Variants in MID1 observed in about 807,000 individuals in gnomAD.
MID1 encodes E3 ubiquitin-protein ligase Midline-1.
A neutral mutation model predicts 40.4 loss-of-function variants in MID1; 7 were observed. The ratio of observed to expected loss-of-function variants is 0.17; its 90% confidence interval spans 0.10 to 0.33. The LOEUF (loss-of-function observed/expected upper bound fraction) is 0.33. Among genes scored for constraint, MID1 ranks in the 10% least tolerant of loss-of-function variants. The pLI is 1.00. For missense variants in MID1, 367 were observed against 558.5 expected (o/e 0.66, Z 3.46); for synonymous variants, 229 against 221.2 (o/e 1.04, Z -0.31).
intron 2 of MID1, among the ~76,000 whole-genome samples, chrX:10,535,803 A>G (rs1321131468): frequency 8.9e-6 from 1 of 112,490 alleles, no homozygotes; most frequent in Admixed American, 9.4e-5. Flanking sequence ...TTCTGACGAC[A>G]AAAGAATAGA....
At chrX:10,826,320 A>C (rs1160172461) in intron 1 of MID1, among the ~76,000 whole-genome samples, 1 of 111,650 alleles carries the variant, frequency 9.0e-6, no homozygotes, top group Non-Finnish European at 1.9e-5. Flanking sequence ...CCACGATATT[A>C]GTACAAGCAG....
chrX:10,469,612 C>A, intron 7 of MID1, 85 bp downstream of exon 7: 7 of 1,210,763 alleles, frequency 5.8e-6, no homozygotes, highest in Non-Finnish European at 7.8e-6. Context: ...CCTTCCTTGT[C>A]TTCCTTTGAA....
chrX:10,655,931 CAGA>C (rs1296631304), intron 1 of MID1, among the ~76,000 whole-genome samples: 1 of 110,594 alleles, frequency 9.0e-6, no homozygotes, highest in Non-Finnish European at 1.9e-5. Context: ...GTGAGCCAAG[CAGA>C]AGAATTGCCC....
intron 2 of MID1, among the ~76,000 whole-genome samples, chrX:10,547,895 C>G (rs1246425307): frequency 9.0e-6 from 1 of 110,570 alleles, no homozygotes; most frequent in Non-Finnish European, 1.9e-5. Context: ...TTGGTAGGAC[C>G]GCAAATCACC....
chrX:10,695,290 A>C (rs1385662386), intron 1 of MID1, among the ~76,000 whole-genome samples: 1 of 110,702 alleles, frequency 9.0e-6, no homozygotes, highest in Non-Finnish European at 1.9e-5. Flanking sequence ...ATGCCCAGTG[A>C]ATTTTTCTGC....
intron 3 of MID1, among the ~76,000 whole-genome samples, chrX:10,506,795 C>T (rs1270314633): frequency 8.9e-6 from 1 of 111,908 alleles, no homozygotes; most frequent in African/African-American, 3.2e-5. Context: ...AACTGTGGGG[C>T]TAAACAGAAT....
At chrX:10,649,376 C>T (rs1936294547) in intron 1 of MID1, among the ~76,000 whole-genome samples, 1 of 111,835 alleles carries the variant, frequency 8.9e-6, no homozygotes, top group Admixed American at 9.5e-5. Context: ...ATTTCCATTC[C>T]ATCTGGCGGG....
At chrX:10,813,484 G>A (rs929204939) in intron 1 of MID1, among the ~76,000 whole-genome samples, 3 of 111,506 alleles carry the variant, frequency 2.7e-5, no homozygotes, top group African/African-American at 9.8e-5. Context: ...AGAAAGATGG[G>A]TAACTTGGCC....
chrX:10,540,243 C>G (rs1933416900), intron 2 of MID1, among the ~76,000 whole-genome samples: 1 of 111,704 alleles, frequency 9.0e-6, no homozygotes, highest in African/African-American at 3.3e-5. Context: ...CTTCTGGATA[C>G]TGCCTGCAGG....
At chrX:10,463,930 ATTCT>A (rs1329293065) in intron 7 of MID1, among the ~76,000 whole-genome samples, 2 of 112,287 alleles carry the variant, frequency 1.8e-5, no homozygotes, top group African/African-American at 3.2e-5. Flanking sequence ...ATCTGAATGA[ATTCT>A]TTCTTTGTCG....
intron 1 of MID1, among the ~76,000 whole-genome samples, chrX:10,600,341 A>G (rs1935496949): frequency 9.0e-6 from 1 of 110,880 alleles, no homozygotes; most frequent in Non-Finnish European, 1.9e-5. Context: ...AACTGTGGTG[A>G]GCTCAACATT....
At chrX:10,721,925 A>G (rs1172772733) in intron 1 of MID1, among the ~76,000 whole-genome samples, 1 of 110,770 alleles carries the variant, frequency 9.0e-6, no homozygotes, top group African/African-American at 3.3e-5. Context: ...AAGAAAAGAA[A>G]GAAGAAGACG....
chrX:10,471,835 C>CGTAT (rs2031180388), intron 6 of MID1, among the ~76,000 whole-genome samples: 1 of 111,883 alleles, frequency 8.9e-6, no homozygotes, highest in African/African-American at 3.2e-5. Context: ...AGAAAGAAAA[C>CGTAT]GTATGTTCAA....
chrX:10,574,292 T>C (rs1361969821), intron 1 of MID1, among the ~76,000 whole-genome samples: 1 of 110,732 alleles, frequency 9.0e-6, no homozygotes, highest in African/African-American at 3.3e-5. Context: ...GCCTTGAAGA[T>C]GGAGGAAGGG....
intron 2 of MID1, among the ~76,000 whole-genome samples, chrX:10,560,196 T>C (rs1308327266): frequency 4.5e-5 from 5 of 110,877 alleles, no homozygotes; most frequent in Non-Finnish European, 9.4e-5. Flanking sequence ...ATATCGTTCT[T>C]AATAACATAG....
intron 3 of MID1, among the ~76,000 whole-genome samples, chrX:10,511,678 T>A (rs1467243042): frequency 8.9e-6 from 1 of 112,398 alleles, no homozygotes; most frequent in East Asian, 2.8e-4. Flanking sequence ...TGTGAGTCAC[T>A]GCACCCAGTC....
intron 1 of MID1, among the ~76,000 whole-genome samples, chrX:10,600,185 GGGCACAGT>G (rs1385604655): frequency 9.0e-6 from 1 of 110,651 alleles, no homozygotes; most frequent in African/African-American, 3.3e-5. Context: ...AAATTTAGCT[GGGCACAGT>G]GGCATGCTTG....
chrX:10,558,156 C>A (rs764219718), intron 2 of MID1, among the ~76,000 whole-genome samples: 1 of 110,633 alleles, frequency 9.0e-6, no homozygotes, highest in Admixed American at 9.7e-5. Context: ...ACTTTCAAGA[C>A]CTTCCCTCCA....
intron 3 of MID1, among the ~76,000 whole-genome samples, chrX:10,514,758 T>G (rs756867053): frequency 1.8e-5 from 2 of 112,102 alleles, no homozygotes; most frequent in East Asian, 5.6e-4. Context: ...AATCAACCAT[T>G]ATTATAGTGG....
Sources: allele counts gnomAD v4.1 joint callset (sites outside exome capture counted in the v4.1 genomes callset), GRCh38; gene constraint gnomAD v4.1.1; transcripts MANE v1.5; gene names NCBI Gene and HGNC (gene_info 2026-07-23, HGNC 2026-07-21).